The following DLGAP1 variants were observed in gnomAD, a reference collection of about 807,000 sequenced individuals.
The protein encoded by DLGAP1 is disks large-associated protein 1.
In DLGAP1, 11 loss-of-function variants were observed where a neutral mutation model predicts 90.8. The ratio of observed to expected loss-of-function variants is 0.12; its 90% CI spans 0.08 to 0.20. The LOEUF (loss-of-function observed/expected upper bound fraction) is 0.20. DLGAP1 is among the 10% of genes least tolerant of loss of function. The pLI is 1.00. For missense variants in DLGAP1, 1,050 were observed against 1,333.8 expected, an observed-to-expected ratio of 0.79 and a Z score of 3.31; for synonymous variants, 558 against 540.7, an observed-to-expected ratio of 1.03 and a Z score of -0.44.
At chr18:4,304,859 A>T (rs1234678151) in intron 1 of DLGAP1, among the ~76,000 whole-genome samples, 1 of 151,704 alleles carries the variant, frequency 6.6e-6, no homozygotes, top group African/African-American at 2.4e-5. Context: ...TGAACCCAGG[A>T]GGCGGAGGTT....
rs535287699 is a variant in DLGAP1 at position 3,999,100 on chromosome 18, C to T, written c.-73+6016G>A. 6.0e-4 allele frequency among the ~76,000 whole-genome samples: 92 copies of T among 152,122 alleles called. No homozygotes were observed. The Middle Eastern group carries it at 0.01, about 17-fold the overall frequency. On this transcript the variant is annotated intron_variant, in intron 3 of 12. Coordinates refer to ENST00000315677, the MANE Select transcript of DLGAP1 (RefSeq NM_004746.4). ...CTCCCTGTCTCCTCAATCTTATTTC[C>T]TTCCTCTACCTTTAAATATTTTATT...
chr18:4,401,817 C>A (rs2082561281), intron 1 of DLGAP1, among the ~76,000 whole-genome samples: 1 of 147,194 alleles, frequency 6.8e-6, no homozygotes, highest in African/African-American at 2.7e-5. Flanking sequence ...TTAAAATATG[C>A]CTTAACAATT....
chr18:4,418,555 G>GTT (rs1427047935), intron 1 of DLGAP1, among the ~76,000 whole-genome samples: 1 of 152,128 alleles, frequency 6.6e-6, no homozygotes, highest in Non-Finnish European at 1.5e-5. Context: ...TACAACCACT[G>GTT]TAACAGAGAC....
chr18:4,126,618 G>A (rs2076237048), intron 2 of DLGAP1, among the ~76,000 whole-genome samples: 1 of 152,132 alleles, frequency 6.6e-6, no homozygotes, highest in Admixed American at 6.5e-5. Context: ...CTAAAGAAAT[G>A]AGAATGCTTT....
intron 8 of DLGAP1, among the ~76,000 whole-genome samples, chr18:3,573,862 G>A (rs754527283): frequency 6.6e-6 from 1 of 152,014 alleles, no homozygotes. Context: ...CAGCACGCAC[G>A]ACTAATTTTT....
At chr18:3,860,533 A>G (rs1017281948) in intron 4 of DLGAP1, among the ~76,000 whole-genome samples, 2 of 152,220 alleles carry the variant, frequency 1.3e-5, no homozygotes, top group African/African-American at 2.4e-5. Flanking sequence ...ATTTGAACAC[A>G]GCTTTCTGGT....
intron 9 of DLGAP1, among the ~76,000 whole-genome samples, chr18:3,543,224 G>A (rs2052802315): frequency 6.7e-6 from 1 of 149,096 alleles, no homozygotes; most frequent in South Asian, 2.1e-4. Context: ...AGGCTGGAGT[G>A]GAGTGGTGTG....
intron 5 of DLGAP1, chr18:3,774,420 C>T (rs867874346): frequency 6.6e-6 from 1 of 152,100 alleles, no homozygotes; most frequent in African/African-American, 2.4e-5. Context: ...ACTAGTGATG[C>T]CTTTTCTTAG....
chr18:4,292,966 T>C (rs966857937), intron 1 of DLGAP1, among the ~76,000 whole-genome samples: 4 of 152,230 alleles, frequency 2.6e-5, no homozygotes, highest in Non-Finnish European at 5.9e-5. Context: ...GATTTCTTTA[T>C]AGGTGATAAC....
intron 1 of DLGAP1, among the ~76,000 whole-genome samples, chr18:4,269,556 G>A (rs371648337): frequency 4.6e-4 from 69 of 151,618 alleles, no homozygotes; most frequent in East Asian, 3.9e-3. Context: ...GGGTTTCACC[G>A]TGTTAGCCAG....
intron 4 of DLGAP1, among the ~76,000 whole-genome samples, chr18:3,877,259 C>T (rs896964388): frequency 5.9e-5 from 9 of 151,836 alleles, no homozygotes; most frequent in South Asian, 2.1e-4. Flanking sequence ...TACCTGAGAT[C>T]GCAACTCCAA....
At chr18:4,334,766 C>T (rs2081033750) in intron 1 of DLGAP1, among the ~76,000 whole-genome samples, 1 of 151,824 alleles carries the variant, frequency 6.6e-6, no homozygotes, top group Non-Finnish European at 1.5e-5. Context: ...AACCTGCCTC[C>T]ACCTGCATCT....
intron 3 of DLGAP1, among the ~76,000 whole-genome samples, chr18:3,926,587 TATAG>T (rs1279369823): frequency 6.6e-6 from 1 of 151,850 alleles, no homozygotes; most frequent in African/African-American, 2.4e-5. Context: ...TATACACATA[TATAG>T]ATAGATACAT....
intron 7 of DLGAP1, among the ~76,000 whole-genome samples, chr18:3,656,845 G>C (rs190980532): frequency 6.6e-5 from 10 of 152,050 alleles, no homozygotes; most frequent in East Asian, 1.9e-4. Flanking sequence ...CTCCTGGGTG[G>C]ACGCCATTCT....
intron 1 of DLGAP1, among the ~76,000 whole-genome samples, chr18:4,262,438 C>T (rs1464850214): frequency 6.6e-6 from 1 of 152,106 alleles, no homozygotes; most frequent in East Asian, 1.9e-4. Context: ...TACAGTGTGC[C>T]CTTGCACCGT....
At chr18:3,845,344 T>C in intron 4 of DLGAP1, 3 of 1,570,876 alleles carry the variant, frequency 1.9e-6, no homozygotes, top group South Asian at 2.3e-5. Flanking sequence ...TCTCTATGAT[T>C]TGCCGATTCT....
At chr18:3,833,287 G>A (rs1173544876) in intron 4 of DLGAP1, among the ~76,000 whole-genome samples, 1 of 150,472 alleles carries the variant, frequency 6.6e-6, no homozygotes, top group Non-Finnish European at 1.5e-5. Context: ...AGGCTGGAGT[G>A]CAGTGGTGCA....
At chr18:3,794,669 A>G (rs1015185792) in intron 5 of DLGAP1, among the ~76,000 whole-genome samples, 2 of 152,248 alleles carry the variant, frequency 1.3e-5, no homozygotes, top group Non-Finnish European at 2.9e-5. Flanking sequence ...ATACGTAGCC[A>G]CAAAGGTGTG....
In DLGAP1 at chr18:3,897,605, C is replaced by T. The variant is rs563961198; in HGVS notation, c.-72-17465G>A. Among the ~76,000 whole-genome samples the T allele has an allele frequency of 3.3e-5, 5 of 152,204 alleles. No individual in the cohort carries two copies. In the South Asian group the frequency reaches 1.0e-3, roughly 32 times the overall value. On this transcript the variant is annotated intron_variant, in intron 3 of 12. Transcript: ENST00000315677. ...CATGTCTTAGGTGATGACATATTAA[C>T]TGCCTTCTGTAAGCAATCTTTTATA...
Sources: allele counts gnomAD v4.1 joint callset (sites outside exome capture counted in the v4.1 genomes callset), GRCh38; gene constraint gnomAD v4.1.1; transcripts MANE v1.5; gene names NCBI Gene and HGNC (gene_info 2026-07-23, HGNC 2026-07-21).